Variants in ARHGAP42 observed in about 807,000 individuals in gnomAD.
The protein encoded by ARHGAP42 is rho GTPase-activating protein 42.
A neutral mutation model predicts 125.0 loss-of-function variants in ARHGAP42; 63 were observed. The ratio of observed to expected loss-of-function variants is 0.50; its 90% CI spans 0.41 to 0.62. The LOEUF (loss-of-function observed/expected upper bound fraction) is 0.62, where lower values mean the gene tolerates loss of function less well. Ranked by LOEUF, ARHGAP42 falls within the 20% of genes least tolerant of loss-of-function variation. The probability of loss-of-function intolerance (pLI) is 0.00; values close to 1 mark genes in which losing one functional copy is unlikely to be tolerated. For missense variants in ARHGAP42, 766 were observed against 1,024.2 expected (o/e 0.75, Z 3.44); for synonymous variants, 339 against 351.0 (o/e 0.97, Z 0.38).
chr11:100,993,559 A>G lies in ARHGAP42; in HGVS notation c.*4758A>G, dbSNP rs1047356135. On this transcript the variant is annotated 3_prime_UTR_variant, in exon 24 of 24. Transcript: ENST00000298815. ...GATTTCTGAGCTGAAACCTTAACAA[A>G]TAGGGAATTTGGCAGGGAAGACACC... The G allele has an allele frequency of 6.0e-6, 1 of 167,038 alleles. No individual in the cohort carries two copies. Among genetic ancestry groups the G allele is most frequent in the African/African-American group, 2.4e-5 (1 of 41,442 alleles). 10.3% of individuals were successfully genotyped at this position (167,038 alleles called of 1,614,324 possible). A position where few individuals can be genotyped will look rare whatever the true frequency, so the allele number is the denominator to read the frequency against.
chr11:100,948,323 T>A lies in ARHGAP42; in HGVS notation c.1044-134T>A, dbSNP rs563551893. On this transcript the variant is annotated intron_variant, in intron 10 of 23. Transcript: ENST00000298815. ...TCAGTCTTTTTCTTTTTTAGAAAAA[T>A]TCCTATGTTTTTCTCCTCTGTCTTC... 4.1e-5 allele frequency: 27 copies of A among 657,360 alleles called. No individual in the cohort carries two copies. In the South Asian group the frequency reaches 5.8e-4, roughly 14 times the overall value. 40.7% of individuals were successfully genotyped at this position (657,360 alleles called of 1,614,324 possible).
chr11:100,730,016 G>A (rs1277739901), intron 1 of ARHGAP42, among the ~76,000 whole-genome samples: 1 of 151,966 alleles, frequency 6.6e-6, no homozygotes, highest in East Asian at 1.9e-4. Context: ...TCATCATGTT[G>A]GCCAGGCTGG....
At chr11:100,875,310 C>T (rs1424777619) in intron 4 of ARHGAP42, among the ~76,000 whole-genome samples, 6 of 151,854 alleles carry the variant, frequency 4.0e-5, no homozygotes, top group African/African-American at 1.2e-4. Context: ...GTTAGTAACC[C>T]GGTGCCCAGC....
At chr11:100,847,309 T>A (rs1865093697) in intron 3 of ARHGAP42, among the ~76,000 whole-genome samples, 1 of 152,162 alleles carries the variant, frequency 6.6e-6, no homozygotes, top group Non-Finnish European at 1.5e-5. Context: ...ATTCAGGGTA[T>A]CTGCCATACA....
At chr11:100,950,945 G>A (rs184895312) in intron 12 of ARHGAP42, among the ~76,000 whole-genome samples, 5 of 151,820 alleles carry the variant, frequency 3.3e-5, no homozygotes, top group Admixed American at 2.0e-4. Flanking sequence ...CTAACTATTG[G>A]CCTCAATTAA....
chr11:100,714,271 G>A (rs763589869), intron 1 of ARHGAP42, among the ~76,000 whole-genome samples: 1 of 152,192 alleles, frequency 6.6e-6, no homozygotes, highest in Non-Finnish European at 1.5e-5. Context: ...GTTGCAATGT[G>A]AAAAGGTTAT....
At chr11:100,783,693 A>T (rs1194786069) in intron 2 of ARHGAP42, among the ~76,000 whole-genome samples, 1 of 152,212 alleles carries the variant, frequency 6.6e-6, no homozygotes, top group Non-Finnish European at 1.5e-5. Context: ...CTTTAGAATA[A>T]GAGATGATTT....
At chr11:100,923,556 A>G (rs1209460379) in intron 6 of ARHGAP42, among the ~76,000 whole-genome samples, 1 of 152,122 alleles carries the variant, frequency 6.6e-6, no homozygotes, top group African/African-American at 2.4e-5. Context: ...AGGAGATTGT[A>G]AAAAAATGTT....
chr11:100,727,148 A>G (rs111563478), intron 1 of ARHGAP42, among the ~76,000 whole-genome samples: 1 of 152,214 alleles, frequency 6.6e-6, no homozygotes, highest in Admixed American at 6.5e-5. Flanking sequence ...TTCTTTTTCT[A>G]ATAGTTTGAT....
At chr11:100,918,109 CT>C (rs1308257635) in intron 5 of ARHGAP42, among the ~76,000 whole-genome samples, 1 of 147,456 alleles carries the variant, frequency 6.8e-6, no homozygotes, top group African/African-American at 2.5e-5. Flanking sequence ...AGTTTTTGCA[CT>C]GCCTATATGA....
rs151244777 is a variant in ARHGAP42 at position 100,842,143 on chromosome 11, C to G, written c.313-17411C>G. On this transcript the variant is annotated intron_variant, in intron 3 of 23. Coordinates refer to ENST00000298815, the MANE Select transcript of ARHGAP42 (RefSeq NM_152432.4). ...ATTTGTGAACAATTTTAAGTTCTCA[C>G]CCGAAAGGTTATGACAAAAAATAGT... is the stretch of plus-strand genomic sequence containing the variant. Among the ~76,000 whole-genome samples the G allele has an allele frequency of 1.4e-3, 212 of 152,248 alleles. 1 individual carries two copies. Among genetic ancestry groups the G allele is most frequent in the African/African-American group, 4.9e-3 (204 of 41,562 alleles).
In ARHGAP42 at chr11:100,941,788, G is replaced by T. The variant is rs759591278; in HGVS notation, c.837G>T (p.Pro279=). 2.7e-6 allele frequency: 4 copies of T among 1,502,420 alleles called. No homozygotes were observed. The highest frequency in any genetic ancestry group is 1.3e-5 in the South Asian group (1 of 75,576). The allele number at this position is 1,502,420 out of a possible 1,614,324, so 93.1% of individuals were successfully genotyped here. A position where few individuals can be genotyped will look rare whatever the true frequency, so the allele number is the denominator to read the frequency against. Residue 279 remains proline (P), a synonymous_variant, in exon 9 of 24, where the codon CCG becomes CCT. Transcript: ENST00000298815. ...EGYLYVQEKR[P]LGFTWIKHYC... is the part of the protein sequence containing the mutation. ...TTTTTTGTTTCCTTACATTAGGACC[G>T]CTTGGTTTTACATGGATTAAACATT...
At chr11:100,740,099 A>G (rs533819340) in intron 1 of ARHGAP42, among the ~76,000 whole-genome samples, 17 of 150,822 alleles carry the variant, frequency 1.1e-4, no homozygotes, top group South Asian at 8.3e-4. Context: ...TCAACTCACT[A>G]AAGCTTGCCT....
chr11:100,979,693 T>C (rs1372673702), intron 22 of ARHGAP42, among the ~76,000 whole-genome samples: 1 of 104,104 alleles, frequency 9.6e-6, no homozygotes, highest in Admixed American at 1.1e-4. Flanking sequence ...AGTCAGAGGC[T>C]TTTCATTATT....
intron 3 of ARHGAP42, among the ~76,000 whole-genome samples, chr11:100,854,378 G>T (rs907907365): frequency 1.3e-5 from 2 of 152,170 alleles, no homozygotes; most frequent in African/African-American, 4.8e-5. Flanking sequence ...ATTCATAGTG[G>T]AACTCTGTCA....
At chr11:100,718,417 T>C (rs1467421462) in intron 1 of ARHGAP42, among the ~76,000 whole-genome samples, 1 of 152,212 alleles carries the variant, frequency 6.6e-6, no homozygotes, top group Non-Finnish European at 1.5e-5. Context: ...TGTCTTTTAA[T>C]TTTGTTCTAT....
At chr11:100,857,537 G>A (rs1421289289) in intron 3 of ARHGAP42, among the ~76,000 whole-genome samples, 1 of 152,094 alleles carries the variant, frequency 6.6e-6, no homozygotes, top group African/African-American at 2.4e-5. Context: ...CTGCCAATGT[G>A]AGATGGGATT....
chr11:100,849,168 T>A (rs1044022112), intron 3 of ARHGAP42, among the ~76,000 whole-genome samples: 3 of 152,216 alleles, frequency 2.0e-5, no homozygotes, highest in African/African-American at 7.2e-5. Context: ...AAGTGTAATT[T>A]TTTTAATGTT....
At chr11:100,799,335 A>G (rs994100125) in intron 3 of ARHGAP42, among the ~76,000 whole-genome samples, 3 of 152,222 alleles carry the variant, frequency 2.0e-5, no homozygotes, top group Admixed American at 1.3e-4. Flanking sequence ...CTGTACTACT[A>G]GAAATGTGTA....
Sources: gnomAD v4.1 joint callset for allele counts (sites outside exome capture counted in the v4.1 genomes callset) on GRCh38, gnomAD v4.1.1 for gene constraint, MANE v1.5 for transcripts, NCBI Gene and HGNC (gene_info 2026-07-23, HGNC 2026-07-21) for gene names.